MAPK9: variants seen among roughly 807,000 people sequenced by gnomAD.
MAPK9 encodes mitogen-activated protein kinase 9, also known as Jun kinase.
A neutral mutation model predicts 57.1 loss-of-function variants in MAPK9; 30 were observed. That is an observed-to-expected ratio of 0.53 (90% CI 0.39 to 0.71). The LOEUF (loss-of-function observed/expected upper bound fraction) is 0.71. Ranked by LOEUF, MAPK9 falls within the 30% of genes least tolerant of loss-of-function variation. The pLI is 0.00. For synonymous variants in MAPK9, 155 were observed against 177.0 expected (o/e 0.88, Z 0.99); for missense variants, 362 against 521.0 (o/e 0.69, Z 2.97).
intron 5 of MAPK9, among the ~76,000 whole-genome samples, chr5:180,251,386 C>T (rs928266324): frequency 6.6e-6 from 1 of 152,188 alleles, no homozygotes; most frequent in Admixed American, 6.5e-5. Context: ...GCTCTGTGAA[C>T]CCCAGTGCGC....
At position 180,236,284 on chromosome 5, in the gene MAPK9, A is replaced by T. The variant is rs1200511715; in HGVS notation, c.*100T>A. 7.6e-7 allele frequency: 1 copy of T among 1,312,320 alleles called. No individual in the cohort carries two copies. The highest frequency in any genetic ancestry group is 1.0e-6 in the Non-Finnish European group (1 of 966,418). 81.3% of individuals were successfully genotyped at this position (1,312,320 alleles called of 1,614,324 possible). ...AGGCATTGTGTTTCTTACATGCAGA[A>T]CATGGAGTTTTTCTATTTGGTTCCA... On this transcript the variant is annotated 3_prime_UTR_variant, in exon 12 of 12. Coordinates refer to ENST00000452135, the MANE Select transcript of MAPK9 (RefSeq NM_002752.5).
Position 180,247,678 on chromosome 5 carries a change from C to T in MAPK9, c.617-168G>A, listed in dbSNP as rs374218232. On this transcript the variant is annotated intron_variant, in intron 6 of 11. Transcript: ENST00000452135. The surrounding 1 kb of genome is among the most constrained non-coding windows in gnomAD (Gnocchi z 4.5). ...GATTGCTGACCTCTATTTTAGCCTTCGGTTTGTAGCAATCTGGGGTTTTAG... is the reference window on the plus strand; with the variant it reads ...GATTGCTGACCTCTATTTTAGCCTTTGGTTTGTAGCAATCTGGGGTTTTAG... 2.6e-4 allele frequency: 239 copies of T among 929,528 alleles called. 3 individuals are homozygous for T. The East Asian group carries it at 4.9e-3, about 19-fold the overall frequency. 57.6% of individuals were successfully genotyped at this position (929,528 alleles called of 1,614,324 possible).
At chr5:180,255,266 G>A (rs35089249) in intron 5 of MAPK9, among the ~76,000 whole-genome samples, 2,399 of 152,080 alleles carry the variant, frequency 0.016, 64 homozygotes, top group African/African-American at 0.055. Flanking sequence ...TGGAGGATGC[G>A]TCCCACCAAA....
At chr5:180,266,517 G>A (rs1192094815) in intron 3 of MAPK9, among the ~76,000 whole-genome samples, 2 of 151,854 alleles carry the variant, frequency 1.3e-5, no homozygotes, top group East Asian at 1.9e-4. Flanking sequence ...GTTTCACCAC[G>A]CTGGCCAACC....
chr5:180,255,504 G>C (rs1759183394), intron 5 of MAPK9, among the ~76,000 whole-genome samples: 1 of 152,026 alleles, frequency 6.6e-6, no homozygotes, highest in African/African-American at 2.4e-5. Flanking sequence ...AGAAAATTCA[G>C]ATGCCTGATG....
rs902504191 is a variant in MAPK9, at chr5:180,266,622, C to CT, written c.253-1784dup. 3.2e-4 allele frequency among the ~76,000 whole-genome samples: 47 copies of CT among 144,828 alleles called. 1 individual carries two copies. Among genetic ancestry groups the CT allele is most frequent in the East Asian group, 6.0e-4 (3 of 4,966 alleles). On this transcript the variant is annotated intron_variant, in intron 3 of 11. Transcript: ENST00000452135. ...TGTGAGCCACAGCGCCCGGCTGATA[C>CT]TTTTTTTTTTTTAGGAGATGGGGTC... is the stretch of plus-strand genomic sequence containing the variant.
chr5:180,246,052 T>C (rs1758066158), intron 7 of MAPK9: 1 of 152,236 alleles, frequency 6.6e-6, no homozygotes, highest in South Asian at 2.1e-4. Context: ...TAATTTTACT[T>C]ACTAAAATGC....
Position 180,280,448 on chromosome 5 carries a change from C to T in MAPK9, c.114G>A (p.Gly38=). Residue 38 remains glycine, a synonymous_variant, in exon 2 of 12, where the codon GGG becomes GGA. Transcript: ENST00000452135. ...AAACAGACCATACTTACCAAACAAT[C>T]CCTTGGGCCCCAGAGCCAATTGGTT... ...QLKPIGSGAQ[G]IVCAAFDTVL... 1.2e-6 allele frequency: 2 copies of T among 1,614,060 alleles called. No individual in the cohort carries two copies. The highest frequency in any genetic ancestry group is 2.2e-5 in the East Asian group (1 of 44,878).
At chr5:180,280,641 T>C (rs1194069247) in intron 1 of MAPK9, 33 bp from the exon 2 acceptor site, 1 of 1,525,560 alleles carries the variant, frequency 6.6e-7, no homozygotes, top group Non-Finnish European at 8.9e-7. Flanking sequence ...CGTGCATTCT[T>C]ACCGGAAGTA....
chr5:180,290,302 C>T (rs975246731), intron 1 of MAPK9, among the ~76,000 whole-genome samples: 2 of 152,208 alleles, frequency 1.3e-5, no homozygotes, highest in African/African-American at 2.4e-5. Context: ...TGCTCCTTCA[C>T]ACCTCTGTGC....
intron 5 of MAPK9, among the ~76,000 whole-genome samples, chr5:180,252,044 A>C (rs1758768729): frequency 6.6e-6 from 1 of 152,170 alleles, no homozygotes; most frequent in Non-Finnish European, 1.5e-5. Context: ...CTGAAACCCG[A>C]AGACCCCAAA....
At chr5:180,255,129 T>C (rs1462318105) in intron 5 of MAPK9, among the ~76,000 whole-genome samples, 1 of 151,262 alleles carries the variant, frequency 6.6e-6, no homozygotes, top group Non-Finnish European at 1.5e-5. Context: ...AACTGATCTG[T>C]AACTAAGAAT....
rs572110623 is a variant in MAPK9 at position 180,280,075 on chromosome 5, G to A, written c.122+365C>T. The A allele has an allele frequency of 6.8e-5, 31 of 455,378 alleles. No homozygotes were observed. In the East Asian group the frequency reaches 1.9e-3, roughly 28 times the overall value. 28.2% of individuals were successfully genotyped at this position (455,378 alleles called of 1,614,324 possible). A position where few individuals can be genotyped will look rare whatever the true frequency, so the allele number is the denominator to read the frequency against. On this transcript the variant is annotated intron_variant, in intron 2 of 11. Coordinates refer to ENST00000452135, the MANE Select transcript of MAPK9 (RefSeq NM_002752.5). ...GGAGTGATCGGGAATAAAAGGGGAG[G>A]GGGGAAAAGGTGGCCATGATGAAGA...
In MAPK9 at chr5:180,236,373, T is replaced by C. The variant is rs1173882380; in HGVS notation, c.*11A>G. 3 of 1,601,330 alleles carry C rather than the reference T, an allele frequency of 1.9e-6. No individual in the cohort carries two copies. In the African/African-American group the frequency reaches 4.0e-5, roughly 21 times the overall value. ...TCCTTCAATGCTGACAGGTTTGCTA[T>C]TTCTAACCTATCATCGACAGCCTTC... is the stretch of plus-strand genomic sequence containing the variant. On this transcript the variant is annotated 3_prime_UTR_variant, in exon 12 of 12. Coordinates refer to ENST00000452135, the MANE Select transcript of MAPK9 (RefSeq NM_002752.5).
intron 1 of MAPK9, among the ~76,000 whole-genome samples, chr5:180,283,709 G>A (rs1174042073): frequency 2.0e-5 from 3 of 152,210 alleles, no homozygotes; most frequent in Non-Finnish European, 4.4e-5. Flanking sequence ...GCCAACGTGG[G>A]GGAATCACTT....
At chr5:180,246,208 A>AG (rs1402802138) in intron 7 of MAPK9, 27 of 152,316 alleles carry the variant, frequency 1.8e-4, no homozygotes, top group South Asian at 6.2e-4. Context: ...TTAATTTTTC[A>AG]ACTTTTCCCT....
In MAPK9 at chr5:180,248,178, C is replaced by T. The variant is rs558228464; in HGVS notation, c.617-668G>A. Among the ~76,000 whole-genome samples, 3 of 152,362 alleles carry T rather than the reference C, an allele frequency of 2.0e-5. No homozygotes were observed. The South Asian group carries it at 6.2e-4, about 32-fold the overall frequency. ...CCTGCTAGAGGGGCCCAGACTTCCA[C>T]GGTGCCCACCCTCATCTGTGGGGCC... is the stretch of plus-strand genomic sequence containing the variant. On this transcript the variant is annotated intron_variant, in intron 6 of 11. Transcript: ENST00000452135.
At chr5:180,244,126 G>A (rs1561786379) in intron 7 of MAPK9, among the ~76,000 whole-genome samples, 1 of 152,122 alleles carries the variant, frequency 6.6e-6, no homozygotes, top group Non-Finnish European at 1.5e-5. Flanking sequence ...TGGGATTATA[G>A]GTGTGAGCCA....
chr5:180,266,833 T>C (rs1760612189), intron 3 of MAPK9, among the ~76,000 whole-genome samples: 1 of 152,198 alleles, frequency 6.6e-6, no homozygotes, highest in Non-Finnish European at 1.5e-5. Context: ...GAAGTGTGTG[T>C]ACTCTGACCT....
Sources: gnomAD v4.1 joint callset for allele counts (sites outside exome capture counted in the v4.1 genomes callset) on GRCh38, gnomAD v4.1.1 for gene constraint, Gnocchi (gnomAD v3.1) non-coding constraint, MANE v1.5 for transcripts, NCBI Gene and HGNC (gene_info 2026-07-23, HGNC 2026-07-21) for gene names.